The following SEPTIN10 variants were observed in gnomAD, a reference collection of about 807,000 sequenced individuals.
SEPTIN10 encodes the protein septin-10.
Under a neutral mutation model 54.8 loss-of-function variants are expected in SEPTIN10, and 66 were observed. The observed-to-expected ratio is 1.21, with a 90% CI of 0.99 to 1.48. The LOEUF is 1.48. Ranked by LOEUF, SEPTIN10 falls within the 40% of genes most tolerant of loss-of-function variation. The pLI, the probability that SEPTIN10 is intolerant of heterozygous loss-of-function variation, is 0.00. For synonymous variants in SEPTIN10, 161 were observed against 181.0 expected, an observed-to-expected ratio of 0.89 and a Z score of 0.89; for missense variants, 620 against 545.6, an observed-to-expected ratio of 1.14 and a Z score of -1.36.
intron 9 of SEPTIN10, among the ~76,000 whole-genome samples, chr2:109,549,311 C>T (rs1328589931): frequency 6.6e-6 from 1 of 152,138 alleles, no homozygotes; most frequent in African/African-American, 2.4e-5. Context: ...TTGCATACCT[C>T]ACATGAATAT....
At chr2:109,548,521 G>C (rs1402880577) in intron 9 of SEPTIN10, among the ~76,000 whole-genome samples, 1 of 152,220 alleles carries the variant, frequency 6.6e-6, no homozygotes, top group East Asian at 1.9e-4. Context: ...TGTCTAGAAA[G>C]GGGGAGACGT....
chr2:109,590,696 TAG>T, intron 2 of SEPTIN10, among the ~76,000 whole-genome samples: 1 of 152,178 alleles, frequency 6.6e-6, no homozygotes, highest in Non-Finnish European at 1.5e-5. Context: ...CCCAAAGTGC[TAG>T]GATTACAGGT....
chr2:109,544,871 T>G (rs1335031216), intron 10 of SEPTIN10: 1 of 858,362 alleles, frequency 1.2e-6, no homozygotes. Context: ...TAAAGATCCA[T>G]GCCCTTGGAG....
chr2:109,543,958 A>C lies in SEPTIN10; in HGVS notation c.*351T>G. The C allele has an allele frequency of 8.7e-6, 5 of 575,114 alleles. No homozygotes were observed. Among genetic ancestry groups the C allele is most frequent in the South Asian group, 2.3e-5 (1 of 43,154 alleles). The allele number at this position is 575,114 out of a possible 1,614,324, so 35.6% of individuals were successfully genotyped here. A position where few individuals can be genotyped will look rare whatever the true frequency, so the allele number is the denominator to read the frequency against. On this transcript the variant is annotated 3_prime_UTR_variant, in exon 11 of 11. Transcript: ENST00000397712. ...ATAGCCTGAAAGTAATTTATACAAAAATTTTGTGCAAGAAACAAAATCTGT... is the reference window on the plus strand; with the variant it reads ...ATAGCCTGAAAGTAATTTATACAAACATTTTGTGCAAGAAACAAAATCTGT...
intron 1 of SEPTIN10, among the ~76,000 whole-genome samples, chr2:109,596,445 G>A (rs551999319): frequency 4.0e-5 from 6 of 151,762 alleles, no homozygotes; most frequent in African/African-American, 1.2e-4. Context: ...GTGAAACCCC[G>A]TCTCTACTAA....
chr2:109,613,791 G>C lies in SEPTIN10; in HGVS notation c.30+7C>G. 8.1e-7 allele frequency: 1 copy of C among 1,229,358 alleles called. No homozygotes were observed. The highest frequency in any genetic ancestry group is 1.0e-6 in the Non-Finnish European group (1 of 986,486). The allele number at this position is 1,229,358 out of a possible 1,614,324, so 76.2% of individuals were successfully genotyped here. Reference sequence around the variant, plus strand: ...GGGGCTGGGGCCCCGGCGTCGGCGGGACTCACCAGGTGCCGCGCCACCTCG... The same window carrying C: ...GGGGCTGGGGCCCCGGCGTCGGCGGCACTCACCAGGTGCCGCGCCACCTCG... On this transcript the variant is annotated splice_region_variant and intron_variant, in intron 1 of 10. Coordinates refer to ENST00000397712, the MANE Select transcript of SEPTIN10 (RefSeq NM_144710.5).
At chr2:109,563,597 T>C (rs1485139906) in intron 8 of SEPTIN10, among the ~76,000 whole-genome samples, 1 of 152,212 alleles carries the variant, frequency 6.6e-6, no homozygotes, top group East Asian at 1.9e-4. Flanking sequence ...CAGCACCATA[T>C]AAAATTACCA....
intron 1 of SEPTIN10, among the ~76,000 whole-genome samples, chr2:109,612,954 A>G (rs1699581132): frequency 6.6e-6 from 1 of 152,242 alleles, no homozygotes; most frequent in South Asian, 2.1e-4. Flanking sequence ...GTTGCTTAGT[A>G]GAGTGGTTCT....
chr2:109,562,878 A>T (rs892421359), intron 8 of SEPTIN10, among the ~76,000 whole-genome samples: 1 of 152,040 alleles, frequency 6.6e-6, no homozygotes. Flanking sequence ...CCTATGCCTG[A>T]ATTTGGTGAG....
At chr2:109,556,584 C>A (rs2060401) in intron 8 of SEPTIN10, among the ~76,000 whole-genome samples, 1 of 151,990 alleles carries the variant, frequency 6.6e-6, no homozygotes, top group African/African-American at 2.4e-5. Context: ...GTGCAAAATA[C>A]CCTAGACATC....
At chr2:109,571,710 T>C (rs1688437596) in intron 5 of SEPTIN10, among the ~76,000 whole-genome samples, 1 of 152,162 alleles carries the variant, frequency 6.6e-6, no homozygotes, top group Admixed American at 6.5e-5. Flanking sequence ...CCTCAGGGTA[T>C]CGAAACCAAT....
intron 5 of SEPTIN10, among the ~76,000 whole-genome samples, chr2:109,572,132 C>CT (rs529763068): frequency 1.2e-4 from 18 of 151,204 alleles, no homozygotes; most frequent in East Asian, 1.9e-4. Context: ...CTCCCCACCT[C>CT]TTTTTTTTTG....
chr2:109,599,060 A>C (rs1258627689), intron 1 of SEPTIN10, among the ~76,000 whole-genome samples: 1 of 152,176 alleles, frequency 6.6e-6, no homozygotes, highest in Non-Finnish European at 1.5e-5. Context: ...ACAGGTTAAC[A>C]GTGATCTAAA....
chr2:109,581,371 A>G (rs1691102671), intron 4 of SEPTIN10, among the ~76,000 whole-genome samples: 1 of 151,876 alleles, frequency 6.6e-6, no homozygotes, highest in Non-Finnish European at 1.5e-5. Flanking sequence ...CAGGAGGCGG[A>G]GGTTGCAGTG....
chr2:109,548,725 G>A (rs559319260), intron 9 of SEPTIN10, among the ~76,000 whole-genome samples: 3 of 134,362 alleles, frequency 2.2e-5, no homozygotes, highest in African/African-American at 8.1e-5. Context: ...GCAGTGAGCC[G>A]AGATAGCGCC....
At chr2:109,564,292 C>A in intron 8 of SEPTIN10, 74 bp downstream of exon 8, 1 of 1,299,464 alleles carries the variant, frequency 7.7e-7, no homozygotes, top group South Asian at 2.5e-5. Context: ...CATGCCCCAT[C>A]ATCCTGGATA....
intron 2 of SEPTIN10, among the ~76,000 whole-genome samples, chr2:109,590,649 G>A (rs1355613674): frequency 3.9e-5 from 6 of 152,182 alleles, no homozygotes; most frequent in Middle Eastern, 3.4e-3. Context: ...GGCTGGTCTC[G>A]AACTCTTGAC....
chr2:109,608,360 CA>C (rs559501682), intron 1 of SEPTIN10, among the ~76,000 whole-genome samples: 88 of 152,326 alleles, frequency 5.8e-4, no homozygotes, highest in African/African-American at 2.1e-3. Context: ...TTCTATGTAA[CA>C]CGCACTCTAA....
At chr2:109,549,935 T>A (rs1234810860) in intron 9 of SEPTIN10, among the ~76,000 whole-genome samples, 1 of 152,204 alleles carries the variant, frequency 6.6e-6, no homozygotes, top group African/African-American at 2.4e-5. Context: ...CAGAAAGCCA[T>A]ACTGAGTGTA....
Sources: allele counts gnomAD v4.1 joint callset (sites outside exome capture counted in the v4.1 genomes callset), GRCh38; gene constraint gnomAD v4.1.1; transcripts MANE v1.5; gene names NCBI Gene and HGNC (gene_info 2026-07-23, HGNC 2026-07-21).